ZNF83: variants seen among roughly 807,000 people sequenced by gnomAD.
The protein encoded by ZNF83 is zinc finger protein 816B.
For missense variants in ZNF83, 552 were observed against 629.9 expected, an observed-to-expected ratio of 0.88 and a Z score of 1.32; for synonymous variants, 209 against 213.0, an observed-to-expected ratio of 0.98 and a Z score of 0.17.
chr19:52,652,545 A>G (rs1347754622), intron 3 of ZNF83: 4 of 444,794 alleles, frequency 9.0e-6, no homozygotes, highest in Admixed American at 8.0e-5. Context: ...CCTTGCTGCA[A>G]TCATGACATT....
rs1309282648 is a variant in ZNF83 at position 52,614,445 on chromosome 19, A to C, written c.120T>G (p.Tyr40Ter). 6.2e-7 allele frequency: 1 copy of C among 1,613,306 alleles called. No homozygotes were observed. Among genetic ancestry groups the C allele is most frequent in the South Asian group, 1.1e-5 (1 of 91,058 alleles). ...TGTTGACAGATTTTTCCATGTGATCATATTTATATATTTTCCCTTCAGCTT... is the reference window on the plus strand; with the variant it reads ...TGTTGACAGATTTTTCCATGTGATCCTATTTATATATTTTCCCTTCAGCTT... The change falls in exon 3 of 3, where the codon TAT becomes TAG. Residue 40 changes from tyrosine (Y) to a stop codon, truncating the protein, a stop_gained. Coordinates refer to ENST00000301096, the Ensembl canonical transcript of ZNF83. LOFTEE classifies it low-confidence loss of function (END_TRUNC).
intron 1 of ZNF83, among the ~76,000 whole-genome samples, chr19:52,681,280 C>CAAAAAAAAAAAAAAAAAAAAAAAAAA (rs56916405): frequency 8.0e-5 from 6 of 75,428 alleles, no homozygotes; most frequent in South Asian, 6.4e-4. Context: ...GAGACTTTCT[C>CAAAAAAAAAAAAAAAAAAAAAAAAAA]AAAAAAAAAA....
At chr19:52,667,691 A>C (rs1000701274) in intron 1 of ZNF83, among the ~76,000 whole-genome samples, 1 of 152,246 alleles carries the variant, frequency 6.6e-6, no homozygotes, top group Non-Finnish European at 1.5e-5. Context: ...TTTTCTGTGA[A>C]CTGGATATTA....
At chr19:52,626,193 T>G (rs1436026762) in intron 2 of ZNF83, among the ~76,000 whole-genome samples, 1 of 152,228 alleles carries the variant, frequency 6.6e-6, no homozygotes, top group Non-Finnish European at 1.5e-5. Context: ...GGAGCTGGAA[T>G]AGCAGGCATT....
At chr19:52,658,040 G>A (rs1178831483) in intron 2 of ZNF83, among the ~76,000 whole-genome samples, 1 of 151,630 alleles carries the variant, frequency 6.6e-6, no homozygotes, top group Non-Finnish European at 1.5e-5. Context: ...AAAGGCTAAG[G>A]CAGGAGAATT....
intron 3 of ZNF83, among the ~76,000 whole-genome samples, chr19:52,647,940 GCT>G (rs1315477334): frequency 1.3e-5 from 2 of 150,448 alleles, no homozygotes; most frequent in African/African-American, 2.5e-5. Context: ...TAGATTCCCA[GCT>G]GTGTTCCCTG....
At position 52,613,826 on chromosome 19, in the gene ZNF83, A is replaced by G. The variant is rs768384984; in HGVS notation, c.739T>C (p.Tyr247His). 70 of 1,613,680 alleles carry G rather than the reference A, an allele frequency of 4.3e-5. No homozygotes were observed. Among genetic ancestry groups the G allele is most frequent in the Non-Finnish European group, 5.6e-5 (66 of 1,179,916 alleles). Residue 247 changes from tyrosine to histidine, a missense_variant, in exon 3 of 3, where the codon TAC (tyrosine) becomes CAC (histidine). By Grantham distance (83) the Tyr-to-His change is moderately conservative. Transcript: ENST00000301096. The stretch of plus-strand genomic sequence containing the variant: ...TGAATGATCAGATGTTGTACAAGGT[A>G]GGAATTGCGACTGAACACCTTGCCA...
chr19:52,685,272 C>T (rs754262270), intron 1 of ZNF83, among the ~76,000 whole-genome samples: 17 of 152,050 alleles, frequency 1.1e-4, no homozygotes, highest in Non-Finnish European at 2.4e-4. Flanking sequence ...AGAGCGGGGA[C>T]ATTTTCACCG....
intron 1 of ZNF83, 132 bp from the exon 2 acceptor site, chr19:52,635,285 A>C: frequency 2.2e-6 from 1 of 456,586 alleles, no homozygotes; most frequent in Non-Finnish European, 3.8e-6. Context: ...ACCAGAGACG[A>C]TAAACTCCTA....
intron 2 of ZNF83, among the ~76,000 whole-genome samples, chr19:52,629,640 T>G (rs1004478506): frequency 1.3e-5 from 2 of 152,120 alleles, no homozygotes; most frequent in African/African-American, 4.8e-5. Context: ...ATAGTCAAGG[T>G]TAATGCTCCT....
intron 2 of ZNF83, among the ~76,000 whole-genome samples, chr19:52,632,642 A>G (rs390157): frequency 0.13 from 17,650 of 132,042 alleles, 1,800 homozygotes; most frequent in East Asian, 0.48. Flanking sequence ...TCTTAAAGTA[A>G]ATAAATAATC....
chr19:52,680,934 C>T (rs1194540931), intron 1 of ZNF83, among the ~76,000 whole-genome samples: 1 of 151,634 alleles, frequency 6.6e-6, no homozygotes, highest in Non-Finnish European at 1.5e-5. Context: ...TTTAAGATCC[C>T]TTAAGTCACT....
intron 2 of ZNF83, among the ~76,000 whole-genome samples, chr19:52,629,537 CACACCCGGTCCG>C (rs1329368422): frequency 1.3e-5 from 2 of 152,178 alleles, no homozygotes; most frequent in African/African-American, 4.8e-5. Context: ...CTCACCTGCT[CACACCCGGTCCG>C]GCTTACAGTT....
chr19:52,630,364 A>G (rs1031005051), intron 2 of ZNF83, among the ~76,000 whole-genome samples: 34 of 152,174 alleles, frequency 2.2e-4, no homozygotes, highest in African/African-American at 7.7e-4. Flanking sequence ...TACCCACTCC[A>G]CATTACCTTC....
chr19:52,680,673 C>T (rs376757657), intron 1 of ZNF83, among the ~76,000 whole-genome samples: 104 of 126,360 alleles, frequency 8.2e-4, no homozygotes, highest in East Asian at 5.2e-3. Flanking sequence ...AGTGCAGTGG[C>T]GCGATCTCGG....
At chr19:52,681,303 C>CAAAAAAAAAAAAAAAAAAAAAAAA (rs1189423006) in intron 1 of ZNF83, among the ~76,000 whole-genome samples, 10 of 78,310 alleles carry the variant, frequency 1.3e-4, no homozygotes, top group Non-Finnish European at 2.0e-4. Flanking sequence ...AAAAAAAAAG[C>CAAAAAAAAAAAAAAAAAAAAAAAA]AAACGAACAT....
At chr19:52,679,662 A>G (rs2061875323) in intron 1 of ZNF83, among the ~76,000 whole-genome samples, 1 of 152,162 alleles carries the variant, frequency 6.6e-6, no homozygotes, top group Non-Finnish European at 1.5e-5. Flanking sequence ...CTTATCAGTC[A>G]GTGTGATGCT....
At chr19:52,629,824 G>C (rs911834052) in intron 2 of ZNF83, among the ~76,000 whole-genome samples, 1 of 152,078 alleles carries the variant, frequency 6.6e-6, no homozygotes, top group African/African-American at 2.4e-5. Context: ...ATCTGCTCCC[G>C]ACATTAAATA....
rs1018347155 is a variant in ZNF83, at chr19:52,683,328, C to T, written c.-283+7115G>A. Among the ~76,000 whole-genome samples, 5 of 151,824 alleles carry T rather than the reference C, an allele frequency of 3.3e-5. No individual in the cohort carries two copies. In the East Asian group the frequency reaches 5.8e-4, roughly 18 times the overall value. ...CAAGGAAAAGCCAGTAGAGCATCAT[C>T]GCCACTGGCCTGGCAGGAGGAGGTG... On this transcript the variant is annotated intron_variant, in intron 1 of 5. Transcript: ENST00000594682.
Sources: gnomAD v4.1 joint callset for allele counts (sites outside exome capture counted in the v4.1 genomes callset) on GRCh38, gnomAD v4.1.1 for gene constraint, MANE v1.5 for transcripts, NCBI Gene and HGNC (gene_info 2026-07-23, HGNC 2026-07-21) for gene names.